MAN2A1: variants seen among roughly 807,000 people sequenced by gnomAD.
MAN2A1 encodes alpha-mannosidase 2.
A neutral mutation model predicts 142.6 loss-of-function variants in MAN2A1; 76 were observed. That is an observed-to-expected ratio of 0.53 (90% CI 0.44 to 0.65). The LOEUF is 0.65. Ranked by LOEUF, MAN2A1 falls within the 30% of genes least tolerant of loss-of-function variation. The probability of loss-of-function intolerance (pLI) is 0.00; values close to 1 mark genes in which losing one functional copy is unlikely to be tolerated. For missense variants in MAN2A1, 1,311 were observed against 1,365.1 expected (o/e 0.96, Z 0.62); for synonymous variants, 559 against 473.2 (o/e 1.18, Z -2.35).
At chr5:109,752,540 T>C (rs1752575563) in intron 4 of MAN2A1, among the ~76,000 whole-genome samples, 1 of 151,192 alleles carries the variant, frequency 6.6e-6, no homozygotes, top group African/African-American at 2.4e-5. Context: ...AGTGGAGATC[T>C]GACAATGAAC....
intron 1 of MAN2A1, among the ~76,000 whole-genome samples, chr5:109,706,395 T>G (rs1324618452): frequency 6.6e-6 from 1 of 152,228 alleles, no homozygotes; most frequent in Non-Finnish European, 1.5e-5. Context: ...AATACTTTCT[T>G]CACTGCTTAC....
At chr5:109,760,244 T>C (rs1310838285) in intron 5 of MAN2A1, among the ~76,000 whole-genome samples, 1 of 152,192 alleles carries the variant, frequency 6.6e-6, no homozygotes. Context: ...TGTTTGGTTT[T>C]CTGTTCCTGT....
chr5:109,839,669 T>A (rs62378794), intron 16 of MAN2A1, among the ~76,000 whole-genome samples: 2,531 of 148,948 alleles, frequency 0.017, 28 homozygotes, highest in Middle Eastern at 0.062. Context: ...TTTTTTTTTT[T>A]AAATAACATT....
At chr5:109,823,114 G>A (rs1216129177) in intron 15 of MAN2A1, among the ~76,000 whole-genome samples, 3 of 152,124 alleles carry the variant, frequency 2.0e-5, no homozygotes, top group Non-Finnish European at 2.9e-5. Flanking sequence ...CATAAGTTAT[G>A]TGCTTTATTA....
chr5:109,752,468 A>T (rs527788752), intron 4 of MAN2A1, among the ~76,000 whole-genome samples: 1 of 152,338 alleles, frequency 6.6e-6, no homozygotes, highest in South Asian at 2.1e-4. Context: ...AACAAAACAC[A>T]TTCTAGTCCA....
chr5:109,706,122 A>C (rs1213800767), intron 1 of MAN2A1, among the ~76,000 whole-genome samples: 2 of 152,196 alleles, frequency 1.3e-5, no homozygotes, highest in Admixed American at 6.5e-5. Flanking sequence ...TGCATATACT[A>C]ACTAATCCTC....
chr5:109,816,700 G>A (rs1754470494), intron 12 of MAN2A1, among the ~76,000 whole-genome samples: 2 of 152,078 alleles, frequency 1.3e-5, no homozygotes, highest in Admixed American at 1.3e-4. Flanking sequence ...GATTAGGTAG[G>A]AATCAGGGTA....
chr5:109,763,786 A>C (rs2112640366), intron 5 of MAN2A1, among the ~76,000 whole-genome samples: 1 of 152,048 alleles, frequency 6.6e-6, no homozygotes, highest in Admixed American at 6.5e-5. Context: ...ACTTTATTAT[A>C]AAAATTGACC....
At chr5:109,842,832 G>A (rs1416517107) in intron 17 of MAN2A1, among the ~76,000 whole-genome samples, 3 of 73,740 alleles carry the variant, frequency 4.1e-5, no homozygotes, top group Non-Finnish European at 8.1e-5. Context: ...TTGAGAAAGA[G>A]TCTCGCTCTG....
chr5:109,738,620 G>C (rs1752176625), intron 4 of MAN2A1, among the ~76,000 whole-genome samples: 1 of 152,030 alleles, frequency 6.6e-6, no homozygotes, highest in Admixed American at 6.6e-5. Flanking sequence ...CTATACCTCA[G>C]TTTCTTCATT....
chr5:109,772,238 G>T (rs1052631043), intron 7 of MAN2A1, among the ~76,000 whole-genome samples: 1 of 152,018 alleles, frequency 6.6e-6, no homozygotes, highest in Non-Finnish European at 1.5e-5. Flanking sequence ...CTATGGCGGC[G>T]TGTGCCTGTA....
intron 16 of MAN2A1, 33 bp downstream of exon 16, chr5:109,823,870 T>C (rs778132313): frequency 2.9e-6 from 3 of 1,040,284 alleles, no homozygotes; most frequent in African/African-American, 3.3e-5. Context: ...ATGAAACATA[T>C]GTATTATGGT....
chr5:109,799,714 A>G (rs1485252913), intron 12 of MAN2A1, among the ~76,000 whole-genome samples: 1 of 151,444 alleles, frequency 6.6e-6, no homozygotes, highest in Non-Finnish European at 1.5e-5. Flanking sequence ...AGGTTGCACC[A>G]TGGCACTCCA....
At chr5:109,699,404 C>T (rs1750908964) in intron 1 of MAN2A1, 1 of 145,548 alleles carries the variant, frequency 6.9e-6, no homozygotes, top group Admixed American at 7.1e-5. Flanking sequence ...ATCTATTGTA[C>T]AACATACTGA....
intron 1 of MAN2A1, among the ~76,000 whole-genome samples, chr5:109,700,976 A>G (rs534130155): frequency 2.0e-5 from 3 of 152,368 alleles, no homozygotes; most frequent in Admixed American, 2.0e-4. Context: ...GAGCCAGTTA[A>G]GTGCTATTAT....
intron 1 of MAN2A1, among the ~76,000 whole-genome samples, chr5:109,712,861 G>C (rs1291517042): frequency 6.6e-6 from 1 of 152,140 alleles, no homozygotes; most frequent in Non-Finnish European, 1.5e-5. Flanking sequence ...GCTCTCATAA[G>C]GTGAGGTATT....
chr5:109,842,304 C>T lies in MAN2A1; in HGVS notation c.2567-24C>T, dbSNP rs1204509618. On this transcript the variant is annotated intron_variant, in intron 16 of 21. Transcript: ENST00000261483. The stretch of plus-strand genomic sequence containing the variant: ...AGGCAAGTAATTTCTTTCTATTAAT[C>T]CATATATATTTTTTTAAATTTAGGA... The T allele has an allele frequency of 3.5e-6, 5 of 1,434,556 alleles. No homozygotes were observed. In the Admixed American group the frequency reaches 1.2e-4, roughly 35 times the overall value. The allele number at this position is 1,434,556 out of a possible 1,614,324, so 88.9% of individuals were successfully genotyped here.
At chr5:109,816,376 C>T (rs191778921) in intron 12 of MAN2A1, among the ~76,000 whole-genome samples, 101 of 152,274 alleles carry the variant, frequency 6.6e-4, no homozygotes, top group African/African-American at 2.4e-3. Context: ...CACGTAGTTG[C>T]AAATATTGCC....
intron 12 of MAN2A1, among the ~76,000 whole-genome samples, chr5:109,815,716 TA>T (rs1352299291): frequency 6.6e-6 from 1 of 152,190 alleles, no homozygotes; most frequent in Admixed American, 6.5e-5. Flanking sequence ...TTTTATTTCT[TA>T]ATGAACACTT....
Sources: allele counts gnomAD v4.1 joint callset (sites outside exome capture counted in the v4.1 genomes callset), GRCh38; gene constraint gnomAD v4.1.1; transcripts MANE v1.5; gene names NCBI Gene and HGNC (gene_info 2026-07-23, HGNC 2026-07-21).